IL22RA1: variants seen among roughly 807,000 people sequenced by gnomAD.
IL22RA1 encodes the protein interleukin-22 receptor subunit alpha-1.
IL22RA1 carries 25 observed loss-of-function variants against 32.8 expected under a neutral mutation model. That is an observed-to-expected ratio of 0.76 (90% confidence interval 0.55 to 1.06). The LOEUF (loss-of-function observed/expected upper bound fraction) is 1.06. Ranked by LOEUF, IL22RA1 falls within the 50% of genes least tolerant of loss-of-function variation. The pLI is 0.00. For synonymous variants in IL22RA1, 305 were observed against 305.0 expected (o/e 1.00, Z 0.00); for missense variants, 709 against 727.4 (o/e 0.97, Z 0.29).
At chr1:24,142,271 C>G (rs1013198847) in intron 1 of IL22RA1, among the ~76,000 whole-genome samples, 2 of 152,214 alleles carry the variant, frequency 1.3e-5, no homozygotes, top group Non-Finnish European at 2.9e-5. Flanking sequence ...CAAGGAGGGC[C>G]TGGCCGAGGC....
At chr1:24,142,096 AG>A (rs1193196179) in intron 1 of IL22RA1, among the ~76,000 whole-genome samples, 5 of 152,124 alleles carry the variant, frequency 3.3e-5, no homozygotes, top group Non-Finnish European at 5.9e-5. Flanking sequence ...TGGTGCCTCA[AG>A]GGGGTGCCTC....
In IL22RA1 at chr1:24,121,040, G is replaced by A. The variant is rs756801670; in HGVS notation, c.1490C>T (p.Pro497Leu). ...CTCGATCTGGACTGAGGAGAGGAGG[G>A]GGAGCTGGCCCTTTAGGTACTGTGG... is the stretch of plus-strand genomic sequence containing the variant. Reference protein sequence around the residue: ...GTPQYLKGQLPLLSSVQIEGH... With the variant: ...GTPQYLKGQLLLLSSVQIEGH... Residue 497 changes from proline to leucine, a missense_variant, in exon 7 of 7, where the codon CCC becomes CTC. Transcript: ENST00000270800. The A allele has an allele frequency of 6.2e-7, 1 of 1,614,170 alleles. No individual in the cohort carries two copies. The highest frequency in any genetic ancestry group is 8.5e-7 in the Non-Finnish European group (1 of 1,180,002).
At chr1:24,139,348 T>C (rs766120139) in intron 1 of IL22RA1, among the ~76,000 whole-genome samples, 2 of 152,224 alleles carry the variant, frequency 1.3e-5, no homozygotes, top group Non-Finnish European at 1.5e-5. Context: ...ATCAGGACAT[T>C]TGGGTTGTTT....
At chr1:24,123,069 G>A (rs765490268) in intron 6 of IL22RA1, among the ~76,000 whole-genome samples, 3 of 152,150 alleles carry the variant, frequency 2.0e-5, no homozygotes, top group Non-Finnish European at 4.4e-5. Flanking sequence ...AGCCATGTGG[G>A]TTTTTTATTC....
At chr1:24,122,184 C>G (rs1239252353) in intron 6 of IL22RA1, among the ~76,000 whole-genome samples, 2 of 152,126 alleles carry the variant, frequency 1.3e-5, no homozygotes, top group Non-Finnish European at 2.9e-5. Flanking sequence ...TGGACTTGCA[C>G]ATTGAGCAAA....
intron 5 of IL22RA1, 106 bp from the exon 6 acceptor site, chr1:24,123,529 C>A: frequency 6.5e-7 from 1 of 1,535,076 alleles, no homozygotes; most frequent in Non-Finnish European, 8.8e-7. Flanking sequence ...TCTGGCTGGG[C>A]TGGCAAGGCC....
intron 6 of IL22RA1, among the ~76,000 whole-genome samples, chr1:24,122,314 A>G (rs898890871): frequency 5.8e-5 from 8 of 137,278 alleles, no homozygotes; most frequent in African/African-American, 2.2e-4. Context: ...CACTGGCGTC[A>G]GGTGGGGGCT....
chr1:24,129,806 T>A (rs1341055103), intron 4 of IL22RA1, among the ~76,000 whole-genome samples: 1 of 152,202 alleles, frequency 6.6e-6, no homozygotes, highest in Non-Finnish European at 1.5e-5. Context: ...ATAAATTTTT[T>A]AACTTATTGT....
At chr1:24,125,550 G>A (rs1644155318) in intron 5 of IL22RA1, among the ~76,000 whole-genome samples, 1 of 152,160 alleles carries the variant, frequency 6.6e-6, no homozygotes, top group Non-Finnish European at 1.5e-5. Flanking sequence ...ACTCTGAAAT[G>A]GAAGTAGGAG....
Position 24,120,987 on chromosome 1 carries a change from G to T in IL22RA1, c.1543C>A (p.Pro515Thr). The T allele has an allele frequency of 6.2e-7, 1 of 1,614,134 alleles. No individual in the cohort carries two copies. Among genetic ancestry groups the T allele is most frequent in the Non-Finnish European group, 8.5e-7 (1 of 1,179,962 alleles). Residue 515 changes from proline to threonine, a missense_variant, in exon 7 of 7, where the codon CCT becomes ACT. Coordinates refer to ENST00000270800, the MANE Select transcript of IL22RA1 (RefSeq NM_021258.4). ...EGHPMSLPLQ[P>T]PSRPCSPSDQ... The stretch of plus-strand genomic sequence containing the variant: ...GAGGGGGAACATGGACGGGAAGGAG[G>T]TTGCAAAGGGAGGGACATGGGGTGG...
intron 4 of IL22RA1, among the ~76,000 whole-genome samples, chr1:24,129,920 G>T (rs966282240): frequency 6.6e-6 from 1 of 152,052 alleles, no homozygotes; most frequent in Non-Finnish European, 1.5e-5. Flanking sequence ...AGTTTTTCAC[G>T]ACCTCCATCC....
chr1:24,140,732 C>T (rs989755493), intron 1 of IL22RA1, among the ~76,000 whole-genome samples: 1 of 152,210 alleles, frequency 6.6e-6, no homozygotes, highest in Non-Finnish European at 1.5e-5. Context: ...CAAGAGCCTG[C>T]GGGAAAATGG....
intron 5 of IL22RA1, among the ~76,000 whole-genome samples, chr1:24,124,600 A>G (rs1644148507): frequency 6.6e-6 from 1 of 152,010 alleles, no homozygotes; most frequent in African/African-American, 2.4e-5. Context: ...GGGCCAGCTA[A>G]TCACCCTCCC....
chr1:24,120,937 GC>G lies in IL22RA1; in HGVS notation c.1592del (p.Gly531AlafsTer38). On this transcript the variant is annotated frameshift_variant, in exon 7 of 7. Transcript: ENST00000270800. LOFTEE classifies it low-confidence loss of function (END_TRUNC). ...SPSDQGPSPW[G>X]LLESLVCPKD... ...TGGGACACACAAGGGACTCCAGCAG[GC>G]CCCAGGGACTTGGACCTTGGTCCGA... is the stretch of plus-strand genomic sequence containing the variant. 6.2e-7 allele frequency: 1 copy of G among 1,614,252 alleles called. No individual in the cohort carries two copies. Among genetic ancestry groups the G allele is most frequent in the Non-Finnish European group, 8.5e-7 (1 of 1,180,038 alleles).
rs147582195 is a variant in IL22RA1 at position 24,141,421 on chromosome 1, G to A, written c.43+1619C>T. Among the ~76,000 whole-genome samples, 762 of 152,292 alleles carry A rather than the reference G, an allele frequency of 5.0e-3. 8 individuals are homozygous for A. Among genetic ancestry groups the A allele is most frequent in the Non-Finnish European group, 7.6e-3 (516 of 68,024 alleles). On this transcript the variant is annotated intron_variant, in intron 1 of 6. Coordinates refer to ENST00000270800, the MANE Select transcript of IL22RA1 (RefSeq NM_021258.4). ...AGGCTCCATCAAGGCTTGGGGTAGA[G>A]TCTGCAGCGGGAACGGTTGCTGGTT...
rs192956210 is a variant in IL22RA1 at position 24,134,888 on chromosome 1, T to C, written c.356-502A>G. The C allele has an allele frequency of 4.7e-5, 45 of 962,156 alleles. 1 individual carries two copies. In the Admixed American group the frequency reaches 2.6e-3, roughly 55 times the overall value. 59.6% of individuals were successfully genotyped at this position (962,156 alleles called of 1,614,324 possible). On this transcript the variant is annotated intron_variant, in intron 3 of 6. Coordinates refer to ENST00000270800, the MANE Select transcript of IL22RA1 (RefSeq NM_021258.4). ...TTCCAAATAACCAAATTACCTTTGC[T>C]GGTTTACAGACTCCTTTGAGAATGT...
chr1:24,136,495 A>T (rs1200394666), intron 3 of IL22RA1, among the ~76,000 whole-genome samples: 2 of 132,940 alleles, frequency 1.5e-5, no homozygotes, highest in Non-Finnish European at 3.3e-5. Flanking sequence ...GGAGGTGGGG[A>T]CACTGACTTA....
At position 24,134,555 on chromosome 1, in the gene IL22RA1, T is replaced by A. The variant is rs537472210; in HGVS notation, c.356-169A>T. On this transcript the variant is annotated intron_variant, in intron 3 of 6. Transcript: ENST00000270800. ...CAAACAGTGAAAAGAGAAAAGTTTC[T>A]ACAAGCCCTGGTGTTTGGGTTTCAG... Among the ~76,000 whole-genome samples, 7 of 152,274 alleles carry A rather than the reference T, an allele frequency of 4.6e-5. No homozygotes were observed. The East Asian group carries it at 1.4e-3, about 29-fold the overall frequency.
intron 2 of IL22RA1, among the ~76,000 whole-genome samples, chr1:24,137,714 AC>A (rs1418138461): frequency 3.3e-5 from 5 of 151,692 alleles, no homozygotes. Context: ...CAGTATGGCC[AC>A]CCTGTTGGTC....
Sources: gnomAD v4.1 joint callset for allele counts (sites outside exome capture counted in the v4.1 genomes callset) on GRCh38, gnomAD v4.1.1 for gene constraint, MANE v1.5 for transcripts, NCBI Gene and HGNC (gene_info 2026-07-23, HGNC 2026-07-21) for gene names.